Variants in EEA1 observed in about 807,000 individuals in gnomAD.
EEA1 encodes early endosome antigen 1, 162kD.
Under a neutral mutation model 209.2 loss-of-function variants are expected in EEA1, and 111 were observed. That is an observed-to-expected ratio of 0.53 (90% CI 0.45 to 0.62). The LOEUF is 0.62. Ranked by LOEUF, EEA1 falls within the 20% of genes least tolerant of loss-of-function variation. The probability of loss-of-function intolerance (pLI) is 0.00; values close to 1 mark genes in which losing one functional copy is unlikely to be tolerated. For synonymous variants in EEA1, 536 were observed against 540.6 expected (o/e 0.99, Z 0.12); for missense variants, 1,343 against 1,530.8 (o/e 0.88, Z 2.05).
intron 1 of EEA1, among the ~76,000 whole-genome samples, chr12:92,921,595 G>A (rs1405139792): frequency 1.7e-5 from 2 of 117,128 alleles, no homozygotes; most frequent in Non-Finnish European, 3.5e-5. Context: ...TCTGGGGACT[G>A]TGGTGGGGTT....
intron 16 of EEA1, among the ~76,000 whole-genome samples, chr12:92,811,725 A>C: frequency 6.6e-6 from 1 of 152,206 alleles, no homozygotes; most frequent in Admixed American, 6.5e-5. Flanking sequence ...CCAGGCTAAT[A>C]ATAAAATAAC....
rs1178862956 is a variant in EEA1 at position 92,770,767 on chromosome 12, T to C, written c.*5244A>G. The C allele has an allele frequency of 1.3e-5, 2 of 151,980 alleles. No individual in the cohort carries two copies. The highest frequency in any genetic ancestry group is 4.8e-5 in the African/African-American group (2 of 41,386). 9.4% of individuals were successfully genotyped at this position (151,980 alleles called of 1,614,324 possible). On this transcript the variant is annotated 3_prime_UTR_variant, in exon 29 of 29. Coordinates refer to ENST00000322349, the MANE Select transcript of EEA1 (RefSeq NM_003566.4). ...TTCCTATTCTCAAACTCATCTCAGG[T>C]ATATAGTACTCTAACGTGGAAGTAG... is the stretch of plus-strand genomic sequence containing the variant.
At chr12:92,820,393 C>T (rs1875991769) in intron 13 of EEA1, among the ~76,000 whole-genome samples, 1 of 152,108 alleles carries the variant, frequency 6.6e-6, no homozygotes, top group African/African-American at 2.4e-5. Context: ...CAGTCACTTT[C>T]AAGCATACTT....
chr12:92,779,062 G>GCTCTACTGCATTTAAATCT, intron 25 of EEA1, 53 bp downstream of exon 25: 1 of 1,462,984 alleles, frequency 6.8e-7, no homozygotes, highest in Non-Finnish European at 9.2e-7. Context: ...CCTCTCACTG[G>GCTCTACTGCATTTAAATCT]ATTGATTTAA....
intron 27 of EEA1, 63 bp downstream of exon 27, chr12:92,777,480 A>G: frequency 6.6e-7 from 1 of 1,510,152 alleles, no homozygotes; most frequent in Non-Finnish European, 8.9e-7. Context: ...AGGTAAAAAT[A>G]TGCTTTTCAC....
rs148866301 is a variant in EEA1, at chr12:92,864,375, T to C, written c.245+485A>G. On this transcript the variant is annotated intron_variant, in intron 3 of 28. Coordinates refer to ENST00000322349, the MANE Select transcript of EEA1 (RefSeq NM_003566.4). ...CATTGAATGCTATTCTAAGTAGTTATATTTTAGTTTACTTTTACTTCTTAA... is the reference window on the plus strand; with the variant it reads ...CATTGAATGCTATTCTAAGTAGTTACATTTTAGTTTACTTTTACTTCTTAA... Among the ~76,000 whole-genome samples the C allele has an allele frequency of 6.0e-4, 91 of 152,304 alleles. 1 individual carries two copies. Among genetic ancestry groups the C allele is most frequent in the African/African-American group, 2.1e-3 (86 of 41,568 alleles).
At chr12:92,777,736 G>A in intron 26 of EEA1, 73 bp from the exon 27 acceptor site, 3 of 1,436,856 alleles carry the variant, frequency 2.1e-6, no homozygotes, top group East Asian at 4.8e-5. Flanking sequence ...TATAGATAAT[G>A]GACTACTTTA....
chr12:92,915,401 T>C (rs1880728212), intron 1 of EEA1, among the ~76,000 whole-genome samples: 1 of 152,174 alleles, frequency 6.6e-6, no homozygotes, highest in South Asian at 2.1e-4. Flanking sequence ...CTGGAAAGGC[T>C]GAGGTTGCAG....
intron 1 of EEA1, among the ~76,000 whole-genome samples, chr12:92,898,719 T>TC (rs1191934034): frequency 6.8e-6 from 1 of 147,976 alleles, no homozygotes; most frequent in Non-Finnish European, 1.5e-5. Context: ...CTTTTTTTTT[T>TC]CCTTTTTTTC....
intron 2 of EEA1, chr12:92,879,348 A>G: frequency 4.4e-6 from 2 of 452,170 alleles, no homozygotes; most frequent in Non-Finnish European, 8.9e-6. Context: ...GAATTTTCAG[A>G]TTAGGGATGC....
At chr12:92,829,112 T>C (rs1876476991) in intron 11 of EEA1, among the ~76,000 whole-genome samples, 1 of 152,208 alleles carries the variant, frequency 6.6e-6, no homozygotes, top group Admixed American at 6.5e-5. Context: ...TACTCATTTA[T>C]GTATCCCCTA....
chr12:92,913,996 G>A (rs1018829006), intron 1 of EEA1, among the ~76,000 whole-genome samples: 5 of 152,154 alleles, frequency 3.3e-5, no homozygotes, highest in Non-Finnish European at 5.9e-5. Context: ...GTTAATTTGA[G>A]TTATCTTTCG....
At chr12:92,915,296 G>A (rs953118399) in intron 1 of EEA1, among the ~76,000 whole-genome samples, 3 of 151,940 alleles carry the variant, frequency 2.0e-5, no homozygotes, top group Non-Finnish European at 2.9e-5. Flanking sequence ...GTGAGACCCC[G>A]TCTCTACAAA....
At chr12:92,849,216 A>C (rs1462368125) in intron 9 of EEA1, among the ~76,000 whole-genome samples, 2 of 152,196 alleles carry the variant, frequency 1.3e-5, no homozygotes, top group Non-Finnish European at 2.9e-5. Context: ...TTATTTTAAA[A>C]TTTCAAATAG....
chr12:92,846,709 A>G lies in EEA1; in HGVS notation c.799-4128T>C, dbSNP rs534002678. Among the ~76,000 whole-genome samples the G allele has an allele frequency of 8.5e-5, 13 of 152,320 alleles. 1 individual carries two copies. Among genetic ancestry groups the G allele is most frequent in the African/African-American group, 2.4e-4 (10 of 41,582 alleles). On this transcript the variant is annotated intron_variant, in intron 9 of 28. Transcript: ENST00000322349. ...GAATTTTCAAATGCTTTAGAATGAGATATTTTCTATATGCCTTCAAAAATA... is the reference window on the plus strand; with the variant it reads ...GAATTTTCAAATGCTTTAGAATGAGGTATTTTCTATATGCCTTCAAAAATA...
intron 25 of EEA1, 37 bp downstream of exon 25, chr12:92,779,078 T>TGGATTGATTTAAA: frequency 6.4e-7 from 1 of 1,550,396 alleles, no homozygotes; most frequent in Non-Finnish European, 8.7e-7. Flanking sequence ...TTTAAAGCTC[T>TGGATTGATTTAAA]ACTGCAAAAC....
chr12:92,886,861 G>A (rs1879429977), intron 2 of EEA1, among the ~76,000 whole-genome samples: 1 of 152,018 alleles, frequency 6.6e-6, no homozygotes, highest in Admixed American at 6.5e-5. Flanking sequence ...AGCCGGGTGT[G>A]GTGGCAGGCG....
At chr12:92,905,002 C>G (rs140386389) in intron 1 of EEA1, among the ~76,000 whole-genome samples, 5 of 152,072 alleles carry the variant, frequency 3.3e-5, no homozygotes, top group African/African-American at 9.7e-5. Context: ...AGGGTAGGGT[C>G]GAAAGTTCCA....
chr12:92,774,051 CAAAAAAAA>C lies in EEA1; in HGVS notation c.*1952_*1959del. 7.7e-6 allele frequency: 1 copy of C among 129,656 alleles called. No homozygotes were observed. Among genetic ancestry groups the C allele is most frequent in the South Asian group, 2.5e-4 (1 of 4,020 alleles). 8.0% of individuals were successfully genotyped at this position (129,656 alleles called of 1,614,324 possible). A position where few individuals can be genotyped will look rare whatever the true frequency, so the allele number is the denominator to read the frequency against. ...AGATTTCTCATGGAATTTATTATCT[CAAAAAAAA>C]AAAAAAAACAGTGGTGCTGTGAATA... On this transcript the variant is annotated 3_prime_UTR_variant, in exon 29 of 29. Coordinates refer to ENST00000322349, the MANE Select transcript of EEA1 (RefSeq NM_003566.4).
Sources: gnomAD v4.1 joint callset for allele counts (sites outside exome capture counted in the v4.1 genomes callset) on GRCh38, gnomAD v4.1.1 for gene constraint, MANE v1.5 for transcripts, NCBI Gene and HGNC (gene_info 2026-07-23, HGNC 2026-07-21) for gene names.